CDC14A: variants seen among roughly 807,000 people sequenced by gnomAD.
CDC14A encodes cell division cycle 14A.
CDC14A carries 53 observed loss-of-function variants against 74.4 expected under a neutral mutation model. The observed-to-expected ratio is 0.71, with a 90% CI of 0.57 to 0.89. CDC14A has a LOEUF of 0.89. Ranked by LOEUF, CDC14A falls within the 40% of genes least tolerant of loss-of-function variation. The pLI is 0.00. For missense variants in CDC14A, 646 were observed against 713.7 expected (o/e 0.91, Z 1.08); for synonymous variants, 247 against 258.4 (o/e 0.96, Z 0.43).
intron 3 of CDC14A, among the ~76,000 whole-genome samples, chr1:100,382,230 T>C (rs1656229315): frequency 6.7e-6 from 1 of 148,278 alleles, no homozygotes. Flanking sequence ...TTTTTTTTTT[T>C]TTTGAGAGGG....
At chr1:100,350,047 G>A (rs1283946666), upstream of CDC14A, among the ~76,000 whole-genome samples, 1 of 151,598 alleles carries the variant, frequency 6.6e-6, no homozygotes, top group Non-Finnish European at 1.5e-5. Context: ...CGCCTCCCAG[G>A]TTCAAGCCAT....
intron 10 of CDC14A, among the ~76,000 whole-genome samples, chr1:100,470,750 T>TA (rs1428989220): frequency 6.6e-6 from 1 of 152,202 alleles, no homozygotes; most frequent in Non-Finnish European, 1.5e-5. Flanking sequence ...CACAATGAGA[T>TA]ACTATTTTAT....
rs532539203 is a variant in CDC14A, at chr1:100,510,942, A to G, written c.1756-7309A>G. 7.7e-4 allele frequency among the ~76,000 whole-genome samples: 118 copies of G among 152,330 alleles called. 2 individuals are homozygous for G. The highest frequency in any genetic ancestry group is 7.2e-4 in the Admixed American group (11 of 15,306). On this transcript the variant is annotated intron_variant, in intron 15 of 15. Transcript: ENST00000336454. ...TGACCCTGCTTTGAGATCTGCTAAG[A>G]ACATAGAATTTATCAGAAGTAATTT... is the stretch of plus-strand genomic sequence containing the variant.
chr1:100,389,458 A>ATAT (rs1349145443), intron 3 of CDC14A, among the ~76,000 whole-genome samples: 50 of 140,828 alleles, frequency 3.6e-4, no homozygotes, highest in African/African-American at 1.4e-3. Flanking sequence ...TCTCAAAAAA[A>ATAT]AAAAATATAT....
chr1:100,400,445 C>T (rs59630598), intron 4 of CDC14A, among the ~76,000 whole-genome samples: 13,448 of 152,060 alleles, frequency 0.088, 2,061 homozygotes, highest in African/African-American at 0.31. Context: ...GTTCTGTCAT[C>T]CTTCTCTGTG....
intron 9 of CDC14A, among the ~76,000 whole-genome samples, chr1:100,467,323 T>C (rs1473971569): frequency 6.6e-6 from 1 of 151,918 alleles, no homozygotes; most frequent in African/African-American, 2.4e-5. Context: ...TGACAAAAGG[T>C]CCCCTCAAAA....
intron 15 of CDC14A, among the ~76,000 whole-genome samples, chr1:100,502,943 G>T (rs1648907750): frequency 6.6e-6 from 1 of 151,998 alleles, no homozygotes; most frequent in South Asian, 2.1e-4. Flanking sequence ...TCATCTTATT[G>T]TAAAGAAAAG....
intron 15 of CDC14A, chr1:100,504,914 A>G (rs1400735454): frequency 6.5e-7 from 1 of 1,532,678 alleles, no homozygotes; most frequent in Non-Finnish European, 8.7e-7. Flanking sequence ...ATTACCTCCC[A>G]TGTCTTCTGT....
At chr1:100,446,282 C>A (rs1336987156) in intron 7 of CDC14A, among the ~76,000 whole-genome samples, 7 of 151,972 alleles carry the variant, frequency 4.6e-5, no homozygotes, top group African/African-American at 7.3e-5. Flanking sequence ...AACAAAAAAA[C>A]CCCAAAAAAG....
At chr1:100,495,381 C>A (rs79279101) in intron 12 of CDC14A, among the ~76,000 whole-genome samples, 7,268 of 152,266 alleles carry the variant, frequency 0.048, 209 homozygotes, top group African/African-American at 0.085. Context: ...GCAATTCTTA[C>A]CTGTGCCTGT....
rs1189856187 is a variant in CDC14A at position 100,431,743 on chromosome 1, G to A, written c.389+7442G>A. Among the ~76,000 whole-genome samples the A allele has an allele frequency of 5.3e-5, 8 of 152,024 alleles. No homozygotes were observed. The South Asian group carries it at 1.5e-3, about 28-fold the overall frequency. ...CACACATCTGTAGTCCTAGTTGCCT[G>A]GGAGGTTTAGGTGGGAGGATTGCTT... On this transcript the variant is annotated intron_variant, in intron 5 of 15. Coordinates refer to ENST00000336454, the MANE Select transcript of CDC14A (RefSeq NM_003672.4).
chr1:100,459,101 G>GCACACA (rs545033793), intron 8 of CDC14A, among the ~76,000 whole-genome samples: 101 of 143,782 alleles, frequency 7.0e-4, no homozygotes, highest in South Asian at 3.5e-3. Context: ...ACACACACAC[G>GCACACA]CACACACACA....
chr1:100,466,996 C>T (rs1378028132), intron 9 of CDC14A, among the ~76,000 whole-genome samples: 1 of 149,472 alleles, frequency 6.7e-6, no homozygotes, highest in African/African-American at 2.5e-5. Context: ...TTTACATAAA[C>T]AGATATGCAG....
At chr1:100,384,831 C>T (rs28361208) in intron 3 of CDC14A, among the ~76,000 whole-genome samples, 1,729 of 152,328 alleles carry the variant, frequency 0.011, 30 homozygotes, top group African/African-American at 0.04. Flanking sequence ...CCCAGATTCC[C>T]TCACAAGAGC....
intron 11 of CDC14A, among the ~76,000 whole-genome samples, chr1:100,488,185 G>A (rs1044844572): frequency 2.6e-5 from 4 of 152,192 alleles, no homozygotes; most frequent in African/African-American, 9.7e-5. Flanking sequence ...TATTTAAAGT[G>A]CAAATATTAA....
intron 10 of CDC14A, among the ~76,000 whole-genome samples, chr1:100,482,216 T>G (rs1015089725): frequency 1.3e-5 from 2 of 152,186 alleles, no homozygotes; most frequent in Non-Finnish European, 2.9e-5. Context: ...TCAACTAGCC[T>G]CTTATGTCCT....
intron 4 of CDC14A, among the ~76,000 whole-genome samples, chr1:100,420,976 C>A (rs1338940573): frequency 6.6e-6 from 1 of 152,070 alleles, no homozygotes; most frequent in Non-Finnish European, 1.5e-5. Context: ...TTGGGTGACT[C>A]CTGCTCAGTT....
chr1:100,504,794 CTT>C lies in CDC14A; in HGVS notation c.1755+5533_1755+5534del, dbSNP rs1557837081. The C allele has an allele frequency of 3.9e-6, 6 of 1,528,432 alleles. No individual in the cohort carries two copies. The South Asian group carries it at 7.2e-5, about 18-fold the overall frequency. The allele number at this position is 1,528,432 out of a possible 1,614,324, so 94.7% of individuals were successfully genotyped here. ...CACCAGCATTTACCTTGCTTATTCT[CTT>C]GTTTTCTTCTCCCACAGTGTTCATG... On this transcript the variant is annotated intron_variant, in intron 15 of 15. Coordinates refer to ENST00000336454, the MANE Select transcript of CDC14A (RefSeq NM_003672.4).
chr1:100,345,279 T>C (rs1158215999), intron 1 of CDC14A: 2 of 152,218 alleles, frequency 1.3e-5, no homozygotes, highest in Non-Finnish European at 2.9e-5. Context: ...TTGTGAAAAT[T>C]AGATTTTGGA....
Sources: gnomAD v4.1 joint callset for allele counts (sites outside exome capture counted in the v4.1 genomes callset) on GRCh38, gnomAD v4.1.1 for gene constraint, MANE v1.5 for transcripts, NCBI Gene and HGNC (gene_info 2026-07-23, HGNC 2026-07-21) for gene names.